The following CTNNA1 variants were observed in gnomAD, a reference collection of about 807,000 sequenced individuals.
The protein encoded by CTNNA1 is catenin alpha-1.
A neutral mutation model predicts 98.4 loss-of-function variants in CTNNA1; 37 were observed. That is an observed-to-expected ratio of 0.38 (90% CI 0.29 to 0.49). The LOEUF (loss-of-function observed/expected upper bound fraction) is 0.49, where lower values mean the gene tolerates loss of function less well. Among genes scored for constraint, CTNNA1 ranks in the 20% least tolerant of loss-of-function variants. The pLI is 0.95. For missense variants in CTNNA1, 761 were observed against 1,147.2 expected (o/e 0.66, Z 4.86); for synonymous variants, 404 against 413.2 (o/e 0.98, Z 0.27).
At chr5:138,899,414 C>G (rs1002119098) in intron 9 of CTNNA1, among the ~76,000 whole-genome samples, 1 of 152,168 alleles carries the variant, frequency 6.6e-6, no homozygotes, top group African/African-American at 2.4e-5. Context: ...ATTTCTATAC[C>G]TAAACCTCTG....
intron 1 of CTNNA1, among the ~76,000 whole-genome samples, chr5:138,781,643 T>C (rs1346400650): frequency 1.3e-5 from 2 of 152,036 alleles, no homozygotes; most frequent in African/African-American, 4.8e-5. Context: ...GAGTAGGAAC[T>C]GAGGTAGGAA....
chr5:138,874,902 A>C lies in CTNNA1; in HGVS notation c.1063-11310A>C. On this transcript the variant is annotated intron_variant, in intron 7 of 17. Transcript: ENST00000302763. This position sits in a 1 kb window ranked among gnomAD's most constrained non-coding sequence, Gnocchi z 4.1. Reference sequence around the variant, plus strand: ...ATGTACAAGACATATAAATGCACAGACTTACCCATTCTTCTGAGCACATTG... The same window carrying C: ...ATGTACAAGACATATAAATGCACAGCCTTACCCATTCTTCTGAGCACATTG... 1.2e-6 allele frequency: 2 copies of C among 1,613,242 alleles called. No individual in the cohort carries two copies. Among genetic ancestry groups the C allele is most frequent in the Non-Finnish European group, 1.7e-6 (2 of 1,179,400 alleles).
intron 7 of CTNNA1, chr5:138,870,051 A>T (rs1765195439): frequency 6.6e-6 from 1 of 152,282 alleles, no homozygotes; most frequent in African/African-American, 2.4e-5. Flanking sequence ...TTCCAGAGAG[A>T]TTAATTATTT....
Position 138,808,514 on chromosome 5 carries a change from C to T in CTNNA1, c.302-1524C>T, listed in dbSNP as rs565631741. Among the ~76,000 whole-genome samples, 3 of 151,960 alleles carry T rather than the reference C, an allele frequency of 2.0e-5. No homozygotes were observed. In the South Asian group the frequency reaches 6.2e-4, roughly 32 times the overall value. ...AATTCATTGGAAGTTTTTTTCTGGC[C>T]TGACAAATATGTGGAGCGTATCTTT... On this transcript the variant is annotated intron_variant, in intron 3 of 17. Coordinates refer to ENST00000302763, the MANE Select transcript of CTNNA1 (RefSeq NM_001903.5).
chr5:138,884,909 A>C (rs1451162638), intron 7 of CTNNA1, among the ~76,000 whole-genome samples: 1 of 152,172 alleles, frequency 6.6e-6, no homozygotes, highest in Non-Finnish European at 1.5e-5. Context: ...CCTCCCCATC[A>C]GTATTAATGG....
At chr5:138,881,146 GTCC>G in intron 7 of CTNNA1, 1 of 455,806 alleles carries the variant, frequency 2.2e-6, no homozygotes, top group Non-Finnish European at 4.4e-6. Context: ...AGGTAAGACT[GTCC>G]TCCTTGAGAG....
chr5:138,874,622 T>A lies in CTNNA1; in HGVS notation c.1063-11590T>A, dbSNP rs571385851. ...TTTTCAGCAGAACATATGGGCTATT[T>A]AAAAAAAACAACCACCACCAACATT... On this transcript the variant is annotated intron_variant, in intron 7 of 17. Transcript: ENST00000302763. This position sits in a 1 kb window ranked among gnomAD's most constrained non-coding sequence, Gnocchi z 4.1. 4.0e-6 allele frequency: 4 copies of A among 1,011,218 alleles called. No individual in the cohort carries two copies. The South Asian group carries it at 5.3e-5, about 13-fold the overall frequency. The allele number at this position is 1,011,218 out of a possible 1,614,324, so 62.6% of individuals were successfully genotyped here.
chr5:138,853,936 CT>C (rs1266603655), intron 7 of CTNNA1, among the ~76,000 whole-genome samples: 1 of 152,100 alleles, frequency 6.6e-6, no homozygotes, highest in Admixed American at 6.5e-5. Context: ...AAAGAAAATT[CT>C]TTTCACATAG....
intron 7 of CTNNA1, chr5:138,827,996 G>A (rs1760892165): frequency 4.7e-6 from 2 of 427,890 alleles, no homozygotes; most frequent in African/African-American, 2.0e-5. Context: ...ATGTGTAGGT[G>A]TGTGTATATA....
chr5:138,870,839 T>G (rs2149917825), intron 7 of CTNNA1: 1 of 152,298 alleles, frequency 6.6e-6, no homozygotes, highest in Middle Eastern at 3.4e-3. Context: ...TCAGCCTGTC[T>G]GTGGGGAAGT....
intron 12 of CTNNA1, 143 bp from the exon 13 acceptor site, chr5:138,925,113 A>C: frequency 1.2e-6 from 1 of 832,896 alleles, no homozygotes; most frequent in Non-Finnish European, 1.8e-6. Context: ...AATTTATTTC[A>C]ACTGTAAATA....
rs2150140663 is a variant in CTNNA1 at position 138,904,417 on chromosome 5, C to G, written c.1365C>G (p.Ser455Arg). Residue 455 changes from serine to arginine, a missense_variant, in exon 10 of 18, where the codon AGC becomes AGG. Around this residue, in one of 6 missense-constraint regions of CTNNA1, gnomAD observed 287 missense variants for 436.0 expected, o/e 0.66. Transcript: ENST00000302763. ...EGVKLVRMSA[S>R]QLEALCPQVI... is the part of the protein sequence containing the mutation. ...TAAAGCTTGTTCGAATGTCTGCAAG[C>G]CAGTTAGAAGCCCTCTGTCCTCAGG... The G allele has an allele frequency of 6.2e-7, 1 of 1,614,036 alleles. No homozygotes were observed. Among genetic ancestry groups the G allele is most frequent in the Non-Finnish European group, 8.5e-7 (1 of 1,179,918 alleles).
intron 1 of CTNNA1, 140 bp downstream of exon 1, chr5:138,753,650 C>T (rs1407500730): frequency 1.2e-5 from 4 of 341,784 alleles, no homozygotes; most frequent in Non-Finnish European, 1.6e-5. Flanking sequence ...GCGACGTCGC[C>T]GGGAATTGGG....
In CTNNA1 at chr5:138,862,533, G is replaced by T. The variant is rs1326160346; in HGVS notation, c.1063-23679G>T. On this transcript the variant is annotated intron_variant, in intron 7 of 17. Transcript: ENST00000302763. ...ATATAATTTTACTGAACAAGGAAAA[G>T]ACATCACTTGATTTTAAGTGACTAC... Among the ~76,000 whole-genome samples, 4 of 152,272 alleles carry T rather than the reference G, an allele frequency of 2.6e-5. No individual in the cohort carries two copies. In the East Asian group the frequency reaches 7.7e-4, roughly 29 times the overall value.
chr5:138,833,622 T>C (rs1254597239), intron 7 of CTNNA1, among the ~76,000 whole-genome samples: 2 of 152,232 alleles, frequency 1.3e-5, no homozygotes, highest in Non-Finnish European at 2.9e-5. Context: ...ATTTCTGGCT[T>C]GCATTGTATC....
At chr5:138,808,594 A>G (rs1245989136) in intron 3 of CTNNA1, among the ~76,000 whole-genome samples, 3 of 151,172 alleles carry the variant, frequency 2.0e-5, no homozygotes, top group African/African-American at 4.9e-5. Context: ...ATGTGAGGCA[A>G]TTTTTCCCCC....
intron 1 of CTNNA1, among the ~76,000 whole-genome samples, chr5:138,774,111 G>A (rs998682989): frequency 2.0e-5 from 3 of 152,100 alleles, no homozygotes; most frequent in Non-Finnish European, 4.4e-5. Context: ...TTGAGATCCC[G>A]ACCTCAGGTG....
At chr5:138,796,869 TAACA>T (rs1292898352) in intron 3 of CTNNA1, among the ~76,000 whole-genome samples, 1 of 152,352 alleles carries the variant, frequency 6.6e-6, no homozygotes, top group South Asian at 2.1e-4. Flanking sequence ...TGGCAGTTGA[TAACA>T]AACAATATGC....
intron 7 of CTNNA1, among the ~76,000 whole-genome samples, chr5:138,841,614 C>G (rs1762277110): frequency 8.8e-6 from 1 of 114,186 alleles, no homozygotes; most frequent in African/African-American, 3.1e-5. Flanking sequence ...GGCACCAATT[C>G]CATTTGGTCA....
Sources: allele counts gnomAD v4.1 joint callset (sites outside exome capture counted in the v4.1 genomes callset), GRCh38; gene constraint gnomAD v4.1.1; regional missense constraint gnomAD v4.1.1; non-coding constraint Gnocchi (gnomAD v3.1); transcripts MANE v1.5; gene names NCBI Gene and HGNC (gene_info 2026-07-23, HGNC 2026-07-21).